The following KHDRBS2 variants were observed in gnomAD, a reference collection of about 807,000 sequenced individuals.
The protein encoded by KHDRBS2 is KH domain-containing, RNA-binding, signal transduction-associated protein 2.
A neutral mutation model predicts 44.3 loss-of-function variants in KHDRBS2; 26 were observed. The ratio of observed to expected loss-of-function variants is 0.59; its 90% CI spans 0.43 to 0.81. KHDRBS2 has a LOEUF of 0.81. KHDRBS2 is among the 40% of genes least tolerant of loss of function. KHDRBS2 has a pLI of 0.00. For synonymous variants in KHDRBS2, 194 were observed against 151.1 expected (o/e 1.28, Z -2.08); for missense variants, 476 against 433.1 (o/e 1.10, Z -0.88).
intron 7 of KHDRBS2, among the ~76,000 whole-genome samples, chr6:61,709,537 T>A (rs1023919078): frequency 6.6e-6 from 1 of 151,750 alleles, no homozygotes; most frequent in Non-Finnish European, 1.5e-5. Context: ...TTCTGCAAAT[T>A]ATCTCCCTTT....
intron 6 of KHDRBS2, among the ~76,000 whole-genome samples, chr6:61,875,056 G>C (rs1466843944): frequency 6.6e-6 from 1 of 152,070 alleles, no homozygotes; most frequent in Non-Finnish European, 1.5e-5. Context: ...AAGGCTGACT[G>C]GACTAAGCAT....
In KHDRBS2 at chr6:62,256,530, G is replaced by A. The variant is rs182433649; in HGVS notation, c.91+29328C>T. ...TCTCTTGTCTGCCGCCACATGAGAC[G>A]TGCATTTCACCTTCTACCATGATTG... is the stretch of plus-strand genomic sequence containing the variant. On this transcript the variant is annotated intron_variant, in intron 1 of 8. Coordinates refer to ENST00000281156, the MANE Select transcript of KHDRBS2 (RefSeq NM_152688.4). Among the ~76,000 whole-genome samples, 51 of 152,092 alleles carry A rather than the reference G, an allele frequency of 3.4e-4. 1 individual carries two copies. Among genetic ancestry groups the A allele is most frequent in the Admixed American group, 2.9e-3 (44 of 15,260 alleles).
chr6:61,768,817 T>C (rs1452798393), intron 6 of KHDRBS2, among the ~76,000 whole-genome samples: 1 of 152,116 alleles, frequency 6.6e-6, no homozygotes, highest in Non-Finnish European at 1.5e-5. Context: ...ACCTGATTTT[T>C]TGGTCTTATA....
chr6:61,600,459 C>CA, the KHDRBS2 span, among the ~76,000 whole-genome samples: 20 of 152,256 alleles, frequency 1.3e-4, 2 homozygotes, highest in African/African-American at 3.6e-4. Context: ...AGCCAGAGAA[C>CA]AACCCCCTTT....
At chr6:61,724,413 C>CA (rs1160854124) in intron 7 of KHDRBS2, among the ~76,000 whole-genome samples, 2 of 152,002 alleles carry the variant, frequency 1.3e-5, no homozygotes, top group African/African-American at 2.4e-5. Flanking sequence ...GAACAGTCTG[C>CA]AAAATAATCA....
intron 4 of KHDRBS2, among the ~76,000 whole-genome samples, chr6:61,931,793 G>C (rs552938288): frequency 7.9e-5 from 12 of 151,824 alleles, no homozygotes; most frequent in Non-Finnish European, 1.3e-4. Context: ...TGCCTATCCT[G>C]CCTCCTCTTC....
chr6:61,664,312 T>C, the KHDRBS2 span, among the ~76,000 whole-genome samples: 7 of 151,882 alleles, frequency 4.6e-5, no homozygotes, highest in Admixed American at 1.3e-4. Context: ...TTTTGTAGCA[T>C]TTTGGATATA....
intron 6 of KHDRBS2, among the ~76,000 whole-genome samples, chr6:61,868,851 G>C (rs1467663479): frequency 3.9e-5 from 6 of 152,130 alleles, no homozygotes; most frequent in Admixed American, 1.3e-4. Context: ...AGTTGCAGTC[G>C]CCTTTTCCGG....
At chr6:61,560,366 G>C in the KHDRBS2 span, among the ~76,000 whole-genome samples, 1 of 152,104 alleles carries the variant, frequency 6.6e-6, no homozygotes, top group Non-Finnish European at 1.5e-5. Flanking sequence ...GGTTTGGGAA[G>C]TTCTGCTGTT....
chr6:61,767,019 G>C (rs1315447955), intron 6 of KHDRBS2, among the ~76,000 whole-genome samples: 1 of 152,008 alleles, frequency 6.6e-6, no homozygotes. Flanking sequence ...CTGATTTTCT[G>C]TCTGAATGAT....
intron 3 of KHDRBS2, among the ~76,000 whole-genome samples, chr6:61,993,546 C>G (rs1280265367): frequency 9.9e-5 from 15 of 150,818 alleles, no homozygotes; most frequent in Middle Eastern, 3.2e-3. Context: ...CAAAAGCCAG[C>G]TTGCCTACAG....
chr6:62,071,618 T>G (rs914544115), intron 2 of KHDRBS2, among the ~76,000 whole-genome samples: 3 of 152,224 alleles, frequency 2.0e-5, no homozygotes, highest in Non-Finnish European at 2.9e-5. Context: ...CATTGCTTGC[T>G]TTTGTCAGGT....
the KHDRBS2 span, among the ~76,000 whole-genome samples, chr6:61,562,244 C>CT: frequency 6.6e-6 from 1 of 152,238 alleles, no homozygotes; most frequent in South Asian, 2.1e-4. Context: ...AGATCAGAGA[C>CT]TACTCTAGCC....
chr6:61,611,029 G>T, the KHDRBS2 span, among the ~76,000 whole-genome samples: 4 of 152,298 alleles, frequency 2.6e-5, no homozygotes, highest in East Asian at 5.8e-4. Flanking sequence ...TTCATATCTA[G>T]ATGGAAACTG....
intron 6 of KHDRBS2, among the ~76,000 whole-genome samples, chr6:61,872,728 G>T (rs1393314622): frequency 2.6e-5 from 4 of 151,280 alleles, no homozygotes; most frequent in African/African-American, 9.7e-5. Flanking sequence ...CAAGACCAAG[G>T]TAAGCTAAGA....
At chr6:61,574,422 C>A in the KHDRBS2 span, 1 of 1,502,570 alleles carries the variant, frequency 6.7e-7, no homozygotes, top group African/African-American at 1.4e-5. Flanking sequence ...ACGAGAAGAC[C>A]ATATGGAGCT....
At chr6:61,588,791 CA>C in the KHDRBS2 span, among the ~76,000 whole-genome samples, 4 of 147,848 alleles carry the variant, frequency 2.7e-5, no homozygotes, top group Admixed American at 6.8e-5. Flanking sequence ...GACCCTGTCT[CA>C]AAAAAAAAGA....
rs374159152 is a variant in KHDRBS2 at position 62,085,466 on chromosome 6, G to A, written c.220-37472C>T. On this transcript the variant is annotated intron_variant, in intron 2 of 8. Coordinates refer to ENST00000281156, the MANE Select transcript of KHDRBS2 (RefSeq NM_152688.4). ...GATTAGTGTTAAAGAAGCAAAGTGA[G>A]TTTCAGAAAAAAAAGGAAAAGGCAA... Among the ~76,000 whole-genome samples the A allele has an allele frequency of 6.6e-5, 10 of 152,028 alleles. No homozygotes were observed. In the East Asian group the frequency reaches 1.9e-3, roughly 29 times the overall value.
At chr6:61,703,041 T>C (rs1363367368) in intron 7 of KHDRBS2, among the ~76,000 whole-genome samples, 5 of 151,870 alleles carry the variant, frequency 3.3e-5, no homozygotes, top group African/African-American at 1.2e-4. Context: ...TTAAAATCTC[T>C]GTAATTGTAA....
Sources: allele counts gnomAD v4.1 joint callset (sites outside exome capture counted in the v4.1 genomes callset), GRCh38; gene constraint gnomAD v4.1.1; transcripts MANE v1.5; gene names NCBI Gene and HGNC (gene_info 2026-07-23, HGNC 2026-07-21).